The following MLIP variants were observed in gnomAD, a reference collection of about 807,000 sequenced individuals.
The protein encoded by MLIP is muscular LMNA interacting protein, also known as muscular LMNA-interacting protein.
MLIP carries 79 observed loss-of-function variants against 84.8 expected under a neutral mutation model. The ratio of observed to expected loss-of-function variants is 0.93; its 90% confidence interval spans 0.78 to 1.12. MLIP has a LOEUF of 1.12. Ranked by LOEUF, MLIP falls within the 50% of genes most tolerant of loss-of-function variation. The pLI is 0.00. For missense variants in MLIP, 1,257 were observed against 1,160.6 expected (o/e 1.08, Z -1.21); for synonymous variants, 504 against 463.0 (o/e 1.09, Z -1.14).
chr6:54,081,390 CAT>C (rs1460917382), intron 1 of MLIP, among the ~76,000 whole-genome samples: 1 of 99,950 alleles, frequency 1.0e-5, no homozygotes, highest in African/African-American at 2.7e-5. Flanking sequence ...TTGGGGTCCA[CAT>C]ATTTTTTTTT....
chr6:54,033,473 G>C (rs1044620902), intron 1 of MLIP, among the ~76,000 whole-genome samples: 4 of 151,922 alleles, frequency 2.6e-5, no homozygotes, highest in Non-Finnish European at 5.9e-5. Flanking sequence ...CACAATGTTG[G>C]ACAGGCTGGT....
intron 11 of MLIP, among the ~76,000 whole-genome samples, chr6:54,205,452 T>C (rs1243652543): frequency 2.6e-5 from 4 of 152,198 alleles, no homozygotes; most frequent in Admixed American, 2.6e-4. Context: ...ACAGGAGATG[T>C]TGGATGGGAT....
At position 54,184,874 on chromosome 6, in the gene MLIP, A is replaced by C. The variant is rs539717508; in HGVS notation, c.2545-4996A>C. ...AATATGGATTACGAATTTTTATTTC[A>C]CACAAGAGCCATTCTTATACTCATC... On this transcript the variant is annotated intron_variant, in intron 9 of 13. Transcript: ENST00000502396. 2.0e-5 allele frequency among the ~76,000 whole-genome samples: 3 copies of C among 152,280 alleles called. No individual in the cohort carries two copies. In the South Asian group the frequency reaches 6.2e-4, roughly 32 times the overall value.
At chr6:54,150,838 AAG>A (rs1442617194) in intron 5 of MLIP, among the ~76,000 whole-genome samples, 1 of 152,192 alleles carries the variant, frequency 6.6e-6, no homozygotes, top group African/African-American at 2.4e-5. Flanking sequence ...AGTGAAAATG[AAG>A]AGTCATTAGT....
At chr6:54,177,111 C>T (rs925157379) in intron 9 of MLIP, among the ~76,000 whole-genome samples, 1 of 152,066 alleles carries the variant, frequency 6.6e-6, no homozygotes, top group Non-Finnish European at 1.5e-5. Context: ...AGAAGAAAAT[C>T]TAGGCAATAC....
At chr6:54,121,424 C>T in intron 1 of MLIP, 23 bp from the exon 2 acceptor site, 1 of 1,610,744 alleles carries the variant, frequency 6.2e-7, no homozygotes, top group Non-Finnish European at 8.5e-7. Context: ...GGCTGAAAGT[C>T]TAATTAACTA....
chr6:54,227,798 G>C (rs555247665), intron 11 of MLIP, among the ~76,000 whole-genome samples: 131 of 152,260 alleles, frequency 8.6e-4, no homozygotes, highest in African/African-American at 3.1e-3. Context: ...TTGGAAATTG[G>C]CTTCCATATA....
chr6:54,056,314 G>C (rs1328448052), intron 1 of MLIP, among the ~76,000 whole-genome samples: 1 of 152,166 alleles, frequency 6.6e-6, no homozygotes. Context: ...AGCTGAAATA[G>C]GACACGCTGT....
rs1490547817 is a variant in MLIP, at chr6:54,067,843, T to C, written c.63+48752T>C. Among the ~76,000 whole-genome samples, 14 of 100,012 alleles carry C rather than the reference T, an allele frequency of 1.4e-4. 3 individuals carry two copies. The highest frequency in any genetic ancestry group is 1.2e-3 in the Admixed American group (13 of 10,762). 65.6% of individuals were successfully genotyped at this position (100,012 alleles called of 152,430 possible). A position where few individuals can be genotyped will look rare whatever the true frequency, so the allele number is the denominator to read the frequency against. On this transcript the variant is annotated intron_variant, in intron 1 of 12. Transcript: ENST00000274897. The stretch of plus-strand genomic sequence containing the variant: ...TGCAAGTGATGGGAGTCAAACTTTA[T>C]ATACTTAAGGCTAAAGCAATATTCA...
chr6:54,042,297 C>T (rs894154732), intron 1 of MLIP, among the ~76,000 whole-genome samples: 2 of 152,070 alleles, frequency 1.3e-5, no homozygotes, highest in Non-Finnish European at 2.9e-5. Context: ...TTCACTAGGA[C>T]AGGTAGAAGA....
intron 1 of MLIP, among the ~76,000 whole-genome samples, chr6:54,053,312 T>C (rs1323560779): frequency 6.6e-6 from 1 of 152,174 alleles, no homozygotes; most frequent in Non-Finnish European, 1.5e-5. Context: ...AACCATAATT[T>C]TGGGATGTTA....
intron 1 of MLIP, among the ~76,000 whole-genome samples, chr6:54,077,242 T>C (rs1766861534): frequency 6.6e-6 from 1 of 152,198 alleles, no homozygotes. Flanking sequence ...AAAGCAAAGT[T>C]GACAAATCTT....
At chr6:54,213,572 C>T (rs1330358373) in intron 11 of MLIP, among the ~76,000 whole-genome samples, 7 of 151,588 alleles carry the variant, frequency 4.6e-5, no homozygotes, top group Non-Finnish European at 7.4e-5. Flanking sequence ...CATGGTGGTA[C>T]GTGCCTGTAA....
At chr6:54,179,417 G>A (rs1276890422) in intron 9 of MLIP, among the ~76,000 whole-genome samples, 1 of 151,996 alleles carries the variant, frequency 6.6e-6, no homozygotes, top group East Asian at 1.9e-4. Flanking sequence ...TTGATAAGTA[G>A]GGACTTACCC....
chr6:54,118,515 C>A (rs1466474862), intron 1 of MLIP, among the ~76,000 whole-genome samples: 2 of 152,130 alleles, frequency 1.3e-5, no homozygotes, highest in Non-Finnish European at 2.9e-5. Flanking sequence ...TAACCATATA[C>A]AAAACATTTT....
At chr6:54,139,975 T>A (rs1772149446) in intron 4 of MLIP, among the ~76,000 whole-genome samples, 1 of 152,148 alleles carries the variant, frequency 6.6e-6, no homozygotes, top group Non-Finnish European at 1.5e-5. Flanking sequence ...GAAAATGAGA[T>A]GGATAAAATT....
intron 1 of MLIP, among the ~76,000 whole-genome samples, chr6:54,084,902 G>A (rs1007466243): frequency 6.6e-6 from 1 of 152,206 alleles, no homozygotes; most frequent in Non-Finnish European, 1.5e-5. Flanking sequence ...AGTTGTATAT[G>A]TCGAGACTTG....
intron 12 of MLIP, among the ~76,000 whole-genome samples, chr6:54,235,172 T>C (rs1229761206): frequency 6.6e-6 from 1 of 152,216 alleles, no homozygotes; most frequent in Non-Finnish European, 1.5e-5. Context: ...ATTGAGTCAT[T>C]CACCAAGTTG....
rs1309123190 is a variant in MLIP at position 54,266,096 on chromosome 6, A to C, written c.*141A>C. The stretch of plus-strand genomic sequence containing the variant: ...CTGCAGTGCAGCAGAACCAAAAAAA[A>C]AGTTTGCTGCAATTATATAGCATCA... On this transcript the variant is annotated 3_prime_UTR_variant, in exon 14 of 14. Coordinates refer to ENST00000502396, the MANE Select transcript of MLIP (RefSeq NM_001281747.2). The C allele has an allele frequency of 2.6e-6, 2 of 775,390 alleles. No homozygotes were observed. Among genetic ancestry groups the C allele is most frequent in the Non-Finnish European group, 4.3e-6 (2 of 468,286 alleles). 48.0% of individuals were successfully genotyped at this position (775,390 alleles called of 1,614,324 possible).
Sources: gnomAD v4.1 joint callset for allele counts (sites outside exome capture counted in the v4.1 genomes callset) on GRCh38, gnomAD v4.1.1 for gene constraint, MANE v1.5 for transcripts, NCBI Gene and HGNC (gene_info 2026-07-23, HGNC 2026-07-21) for gene names.